Variants in STK38L observed in about 807,000 individuals in gnomAD.
STK38L encodes serine/threonine-protein kinase 38-like.
STK38L carries 28 observed loss-of-function variants against 59.7 expected under a neutral mutation model. That is an observed-to-expected ratio of 0.47 (90% confidence interval 0.35 to 0.64). The LOEUF is 0.64. Among genes scored for constraint, STK38L ranks in the 30% least tolerant of loss-of-function variants. The pLI is 0.01. For missense variants in STK38L, 314 were observed against 555.8 expected, an observed-to-expected ratio of 0.56 and a Z score of 4.37; for synonymous variants, 162 against 176.8, an observed-to-expected ratio of 0.92 and a Z score of 0.66.
chr12:27,295,016 C>T (rs922390280), intron 1 of STK38L, among the ~76,000 whole-genome samples: 3 of 152,146 alleles, frequency 2.0e-5, no homozygotes, highest in Non-Finnish European at 4.4e-5. Context: ...GACCTTTCTG[C>T]ATCTGATCCT....
chr12:27,317,157 C>A (rs929092334), intron 9 of STK38L, among the ~76,000 whole-genome samples, 179 bp from the exon 10 acceptor site: 2 of 152,154 alleles, frequency 1.3e-5, no homozygotes, highest in Non-Finnish European at 2.9e-5. Context: ...AAATAGTAGT[C>A]TATAACATAT....
chr12:27,278,461 T>G (rs986283812), intron 1 of STK38L, among the ~76,000 whole-genome samples: 2 of 152,230 alleles, frequency 1.3e-5, no homozygotes, highest in Non-Finnish European at 2.9e-5. Flanking sequence ...TCGACAATTT[T>G]ATAGGATCTT....
At chr12:27,265,916 C>T (rs1943292510) in intron 1 of STK38L, among the ~76,000 whole-genome samples, 1 of 152,080 alleles carries the variant, frequency 6.6e-6, no homozygotes, top group Non-Finnish European at 1.5e-5. Context: ...AGGATTGGGC[C>T]TAGGTTGTGG....
At chr12:27,300,614 A>G (rs1012216978) in intron 2 of STK38L, 61 of 455,970 alleles carry the variant, frequency 1.3e-4, no homozygotes, top group Non-Finnish European at 2.4e-4. Flanking sequence ...AGGTGATGGC[A>G]GCACAGAATC....
intron 1 of STK38L, among the ~76,000 whole-genome samples, chr12:27,254,961 G>T (rs1348094211): frequency 6.6e-6 from 1 of 152,156 alleles, no homozygotes; most frequent in Non-Finnish European, 1.5e-5. Flanking sequence ...GCCAAAAATG[G>T]CAGTTTCTTT....
At chr12:27,266,726 G>A (rs546287349) in intron 1 of STK38L, among the ~76,000 whole-genome samples, 2 of 152,202 alleles carry the variant, frequency 1.3e-5, no homozygotes, top group Non-Finnish European at 2.9e-5. Flanking sequence ...TTCATTCCTG[G>A]GGGCAATATT....
At chr12:27,278,086 C>G (rs775299829) in intron 1 of STK38L, among the ~76,000 whole-genome samples, 12 of 152,222 alleles carry the variant, frequency 7.9e-5, no homozygotes, top group Non-Finnish European at 1.5e-4. Flanking sequence ...TTGGGTTAAT[C>G]TAGTGCTGGC....
chr12:27,296,431 A>G (rs1944023888), intron 1 of STK38L, among the ~76,000 whole-genome samples: 1 of 152,230 alleles, frequency 6.6e-6, no homozygotes, highest in African/African-American at 2.4e-5. Context: ...ATAGGACAAC[A>G]GTAGAACTGG....
At chr12:27,305,016 A>G (rs761917379) in intron 3 of STK38L, among the ~76,000 whole-genome samples, 3 of 152,216 alleles carry the variant, frequency 2.0e-5, no homozygotes, top group Non-Finnish European at 2.9e-5. Flanking sequence ...CATTGCTGTA[A>G]TAAGAGTCCC....
chr12:27,295,362 T>C (rs187449341), intron 1 of STK38L, among the ~76,000 whole-genome samples: 1 of 152,276 alleles, frequency 6.6e-6, no homozygotes, highest in East Asian at 1.9e-4. Flanking sequence ...AAAAGTGACT[T>C]GAGTTAAGGG....
At chr12:27,290,567 T>A (rs1177691697) in intron 1 of STK38L, among the ~76,000 whole-genome samples, 2 of 152,220 alleles carry the variant, frequency 1.3e-5, no homozygotes, top group East Asian at 3.8e-4. Context: ...TTAGAGACTT[T>A]AGTCTTTCCA....
chr12:27,317,552 CTT>C (rs1227302725), intron 10 of STK38L, 99 bp downstream of exon 10: 11 of 1,008,158 alleles, frequency 1.1e-5, no homozygotes, highest in Non-Finnish European at 1.6e-5. Flanking sequence ...TATTTGAAGT[CTT>C]TTAAGCTTAA....
At chr12:27,269,891 C>T (rs1199470935) in intron 1 of STK38L, among the ~76,000 whole-genome samples, 1 of 152,188 alleles carries the variant, frequency 6.6e-6, no homozygotes, top group African/African-American at 2.4e-5. Flanking sequence ...TATCCGCCCA[C>T]CTTGGCCTCC....
intron 12 of STK38L, 98 bp downstream of exon 12, chr12:27,319,521 A>AT: frequency 1.3e-6 from 1 of 787,928 alleles, no homozygotes; most frequent in Non-Finnish European, 2.1e-6. Context: ...TAAATACAAA[A>AT]GTAACATATA....
At chr12:27,318,499 C>T (rs1944641703) in intron 11 of STK38L, among the ~76,000 whole-genome samples, 2 of 152,126 alleles carry the variant, frequency 1.3e-5, no homozygotes, top group Non-Finnish European at 2.9e-5. Flanking sequence ...AATCCCTAAA[C>T]TATGTATGAC....
intron 1 of STK38L, among the ~76,000 whole-genome samples, chr12:27,251,122 C>A (rs1235266552): frequency 6.6e-6 from 1 of 152,126 alleles, no homozygotes; most frequent in East Asian, 1.9e-4. Context: ...AGTCCCACCC[C>A]AAGTTTTCTT....
chr12:27,294,504 CAAAAAA>C (rs63041360), intron 1 of STK38L, among the ~76,000 whole-genome samples: 1 of 101,410 alleles, frequency 9.9e-6, no homozygotes. Context: ...GAAATTCTGT[CAAAAAA>C]AAAAAAAAAA....
chr12:27,276,783 T>C (rs1198020406), intron 1 of STK38L, among the ~76,000 whole-genome samples: 1 of 152,134 alleles, frequency 6.6e-6, no homozygotes, highest in Non-Finnish European at 1.5e-5. Context: ...TGGAGAAAAA[T>C]ACAAGGAACA....
At chr12:27,287,195 T>C (rs1477184490) in intron 1 of STK38L, among the ~76,000 whole-genome samples, 1 of 151,312 alleles carries the variant, frequency 6.6e-6, no homozygotes, top group Non-Finnish European at 1.5e-5. Context: ...AACCTCCGCC[T>C]CCCAGGCTCA....
Sources: allele counts gnomAD v4.1 joint callset (sites outside exome capture counted in the v4.1 genomes callset), GRCh38; gene constraint gnomAD v4.1.1; transcripts MANE v1.5; gene names NCBI Gene and HGNC (gene_info 2026-07-23, HGNC 2026-07-21).